DEK: variants seen among roughly 807,000 people sequenced by gnomAD.
DEK encodes DEK proto-oncogene.
Under a neutral mutation model 46.8 loss-of-function variants are expected in DEK, and 28 were observed. The observed-to-expected ratio is 0.60, with a 90% CI of 0.44 to 0.82. DEK has a LOEUF of 0.82. Ranked by LOEUF, DEK falls within the 40% of genes least tolerant of loss-of-function variation. The pLI is 0.00. For synonymous variants in DEK, 160 were observed against 144.5 expected (o/e 1.11, Z -0.77); for missense variants, 416 against 430.6 (o/e 0.97, Z 0.30).
rs570621457 is a variant in DEK, at chr6:18,259,630, G to GT, written c.146-1226dup. Among the ~76,000 whole-genome samples, 189 of 152,070 alleles carry GT rather than the reference G, an allele frequency of 1.2e-3. 1 individual carries two copies. The highest frequency in any genetic ancestry group is 4.3e-3 in the African/African-American group (178 of 41,464). On this transcript the variant is annotated intron_variant, in intron 2 of 10. Coordinates refer to ENST00000652689, the MANE Select transcript of DEK (RefSeq NM_003472.4). ...GGGATAAATGGATGATAAAAACTGC[G>GT]TATCTTTTGAAAAAGATGCTACTAA...
chr6:18,247,647 C>T (rs747516992), intron 7 of DEK, among the ~76,000 whole-genome samples: 7 of 151,752 alleles, frequency 4.6e-5, no homozygotes, highest in Non-Finnish European at 8.8e-5. Flanking sequence ...ATTTAGAAAG[C>T]GAATTTTAAA....
intron 7 of DEK, among the ~76,000 whole-genome samples, chr6:18,244,093 GT>G (rs1216947628): frequency 6.6e-6 from 1 of 152,146 alleles, no homozygotes; most frequent in African/African-American, 2.4e-5. Context: ...ACTCACAATG[GT>G]TAACATCTTG....
chr6:18,240,175 CA>C (rs1484101848), intron 7 of DEK, among the ~76,000 whole-genome samples: 1 of 152,156 alleles, frequency 6.6e-6, no homozygotes, highest in Non-Finnish European at 1.5e-5. Context: ...TTTGTCAAAG[CA>C]TAAACATTTA....
chr6:18,235,659 A>T (rs568061933), intron 9 of DEK, among the ~76,000 whole-genome samples: 55 of 151,832 alleles, frequency 3.6e-4, no homozygotes, highest in African/African-American at 6.0e-4. Context: ...ATTAAAAAAA[A>T]TTTTTTTTTG....
chr6:18,254,540 G>A (rs1791525969), intron 6 of DEK, among the ~76,000 whole-genome samples: 1 of 151,772 alleles, frequency 6.6e-6, no homozygotes, highest in South Asian at 2.1e-4. Context: ...CAGTTCTAAT[G>A]TCAAATACAG....
intron 3 of DEK, 35 bp from the exon 4 acceptor site, chr6:18,258,097 T>C (rs369557538): frequency 2.8e-6 from 4 of 1,407,260 alleles, no homozygotes; most frequent in African/African-American, 2.9e-5. Context: ...TAAATACCTA[T>C]GGCTTACTAA....
chr6:18,242,781 T>C (rs553475539), intron 7 of DEK, among the ~76,000 whole-genome samples: 1 of 152,234 alleles, frequency 6.6e-6, no homozygotes, highest in East Asian at 1.9e-4. Flanking sequence ...TAAAGTGGGT[T>C]CTTTTAAGTG....
chr6:18,234,552 C>G (rs759718666), intron 9 of DEK, among the ~76,000 whole-genome samples: 2 of 152,126 alleles, frequency 1.3e-5, no homozygotes, highest in Non-Finnish European at 2.9e-5. Context: ...AGGCTCTCTC[C>G]TTTCATTTCC....
At chr6:18,261,826 A>C (rs1391609804) in intron 2 of DEK, among the ~76,000 whole-genome samples, 3 of 152,162 alleles carry the variant, frequency 2.0e-5, no homozygotes, top group Non-Finnish European at 4.4e-5. Flanking sequence ...TAATGCTGAA[A>C]CAAGACCGGA....
rs530330238 is a variant in DEK, at chr6:18,263,843, C to T, written c.145G>A (p.Glu49Lys). The change falls in exon 2 of 11, where the codon GAA (glutamate) becomes AAA (lysine). Residue 49 changes from glutamate to lysine, a missense_variant and splice_region_variant. Physicochemically the swap from Glu to Lys is moderately conservative, Grantham distance 56. Transcript: ENST00000652689. ...TCAGTTGGGATGCGACTCCCCCCAC[C>T]TTTTTCCTCCTCCTCCTCCTCCTCG... ...DDEEEEEEEK[E>K]KSLIVEGKRE... The T allele has an allele frequency of 6.2e-7, 1 of 1,612,246 alleles. No homozygotes were observed. Among genetic ancestry groups the T allele is most frequent in the Admixed American group, 1.7e-5 (1 of 59,736 alleles).
At position 18,263,929 on chromosome 6, in the gene DEK, T is replaced by A; in HGVS notation, c.59A>T (p.Glu20Val). 1 of 1,613,220 alleles carries A rather than the reference T, an allele frequency of 6.2e-7. No homozygotes were observed. The highest frequency in any genetic ancestry group is 1.3e-5 in the African/African-American group (1 of 74,986). The change falls in exon 2 of 11, where the codon GAG becomes GTG. Residue 20 changes from glutamate (E) to valine (V), a missense_variant. Coordinates refer to ENST00000652689, the MANE Select transcript of DEK (RefSeq NM_003472.4). ...GGGACCGGGCATTTCGGGTTCTTTC[T>A]CGGACGCGGGCTGGGTGGGGGTTCC... ...GEGTPTQPAS[E>V]KEPEMPGPRE...
intron 2 of DEK, among the ~76,000 whole-genome samples, chr6:18,260,254 C>T (rs1383674307): frequency 1.3e-5 from 2 of 152,064 alleles, no homozygotes; most frequent in Non-Finnish European, 2.9e-5. Context: ...AGTTGTTATA[C>T]TGTATTGTTT....
In DEK at chr6:18,237,189, A is replaced by C. The variant is rs530613336; in HGVS notation, c.898+192T>G. On this transcript the variant is annotated intron_variant, in intron 8 of 10. Coordinates refer to ENST00000652689, the MANE Select transcript of DEK (RefSeq NM_003472.4). ...TCTCTCTCTCTGTCTCTCTCTCTAT[A>C]TATATATATTGCAAAATCTGAATCA... 727 of 539,414 alleles carry C rather than the reference A, an allele frequency of 1.3e-3. 5 individuals are homozygous for C. The highest frequency in any genetic ancestry group is 0.013 in the African/African-American group (635 of 50,444). The allele number at this position is 539,414 out of a possible 1,614,324, so 33.4% of individuals were successfully genotyped here.
At chr6:18,250,451 A>C (rs9358151) in intron 6 of DEK, among the ~76,000 whole-genome samples, 12 of 152,058 alleles carry the variant, frequency 7.9e-5, no homozygotes, top group Admixed American at 1.3e-4. Context: ...CCTGGGCAAC[A>C]GTGTGAGACT....
chr6:18,258,406 C>G lies in DEK; in HGVS notation c.146-1G>C. 6.2e-7 allele frequency: 1 copy of G among 1,604,912 alleles called. No individual in the cohort carries two copies. Among genetic ancestry groups the G allele is most frequent in the Non-Finnish European group, 8.5e-7 (1 of 1,173,910 alleles). On this transcript the variant is annotated splice_acceptor_variant, in intron 2 of 10. Coordinates refer to ENST00000652689, the MANE Select transcript of DEK (RefSeq NM_003472.4). LOFTEE classifies it high-confidence loss of function. Reference sequence around the variant, plus strand: ...TTGCCTTCCACGATGAGACTCTTTTCTAGAAATTAATTTAGTATTTCTTAA... The same window carrying G: ...TTGCCTTCCACGATGAGACTCTTTTGTAGAAATTAATTTAGTATTTCTTAA...
intron 6 of DEK, among the ~76,000 whole-genome samples, chr6:18,252,187 G>T (rs1263167525): frequency 6.6e-6 from 1 of 152,106 alleles, no homozygotes; most frequent in African/African-American, 2.4e-5. Flanking sequence ...TTGTTAAAGA[G>T]GAGAAAAAGG....
chr6:18,243,488 A>C (rs1173129111), intron 7 of DEK, among the ~76,000 whole-genome samples: 2 of 152,086 alleles, frequency 1.3e-5, no homozygotes, highest in African/African-American at 2.4e-5. Flanking sequence ...CCTTAGTTTC[A>C]TCTCTCATTG....
At chr6:18,246,207 T>C (rs1027906205) in intron 7 of DEK, among the ~76,000 whole-genome samples, 6 of 151,960 alleles carry the variant, frequency 3.9e-5, no homozygotes, top group African/African-American at 1.5e-4. Context: ...GAAAATAACC[T>C]GTTTATTTTC....
intron 7 of DEK, among the ~76,000 whole-genome samples, chr6:18,241,787 C>A (rs1214820325): frequency 2.0e-5 from 3 of 151,974 alleles, no homozygotes; most frequent in Admixed American, 2.0e-4. Context: ...AATGGAAAAA[C>A]CATTCTGAGC....
Sources: allele counts gnomAD v4.1 joint callset (sites outside exome capture counted in the v4.1 genomes callset), GRCh38; gene constraint gnomAD v4.1.1; transcripts MANE v1.5; gene names NCBI Gene and HGNC (gene_info 2026-07-23, HGNC 2026-07-21).